Variants in PLEKHG1 observed in about 807,000 individuals in gnomAD.
PLEKHG1 encodes the protein pleckstrin homology domain-containing family G member 1.
PLEKHG1 carries 44 observed loss-of-function variants against 100.8 expected under a neutral mutation model. The observed-to-expected ratio is 0.44, with a 90% CI of 0.34 to 0.56. PLEKHG1 has a LOEUF of 0.56. PLEKHG1 is among the 20% of genes least tolerant of loss of function. The probability of loss-of-function intolerance (pLI) is 0.01; values close to 1 mark genes in which losing one functional copy is unlikely to be tolerated. For synonymous variants in PLEKHG1, 640 were observed against 662.5 expected (o/e 0.97, Z 0.52); for missense variants, 1,545 against 1,720.9 (o/e 0.90, Z 1.81).
chr6:150,611,325 T>G (rs1776818164), intron 1 of PLEKHG1, among the ~76,000 whole-genome samples: 1 of 152,224 alleles, frequency 6.6e-6, no homozygotes, highest in Non-Finnish European at 1.5e-5. Flanking sequence ...AATGTAGCAC[T>G]CTTGTTGGCA....
chr6:150,837,560 CA>C (rs1777295061), intron 15 of PLEKHG1, among the ~76,000 whole-genome samples: 1 of 152,204 alleles, frequency 6.6e-6, no homozygotes, highest in Admixed American at 6.5e-5. Flanking sequence ...CTACATTTTC[CA>C]AAATTGTCAT....
At position 150,809,083 on chromosome 6, in the gene PLEKHG1, C is replaced by A. The variant is rs1464926900; in HGVS notation, c.913-22C>A. 6 of 1,602,346 alleles carry A rather than the reference C, an allele frequency of 3.7e-6. No homozygotes were observed. The African/African-American group carries it at 8.0e-5, about 21-fold the overall frequency. ...CCTGGCTTCTGCCTCCTGTAAATGC[C>A]ATGGCCCATTCCCTTTCTCAGGAGA... On this transcript the variant is annotated intron_variant, in intron 7 of 15. Coordinates refer to ENST00000358517, the Ensembl canonical transcript of PLEKHG1.
In PLEKHG1 at chr6:150,781,777, C is replaced by CT. The variant is rs1216383029; in HGVS notation, c.513-4601dup. ...TAAAAGATCCTTTCTTTTTCTTTTT[C>CT]TTTTTTTTTTTTGAGATGGAGTCTC... On this transcript the variant is annotated intron_variant, in intron 3 of 15. Coordinates refer to ENST00000358517, the Ensembl canonical transcript of PLEKHG1. 2.4e-3 allele frequency among the ~76,000 whole-genome samples: 345 copies of CT among 142,624 alleles called. 2 individuals carry two copies. Among genetic ancestry groups the CT allele is most frequent in the Middle Eastern group, 3.6e-3 (1 of 276 alleles). The allele number at this position is 142,624 out of a possible 152,430, so 93.6% of individuals were successfully genotyped here. A position where few individuals can be genotyped will look rare whatever the true frequency, so the allele number is the denominator to read the frequency against.
chr6:150,650,314 T>C (rs1267544514), intron 2 of PLEKHG1, among the ~76,000 whole-genome samples: 1 of 152,230 alleles, frequency 6.6e-6, no homozygotes, highest in Non-Finnish European at 1.5e-5. Flanking sequence ...CCCTGCTTCA[T>C]GGCCTCGCGT....
chr6:150,765,505 A>AAAAG (rs386408932), intron 2 of PLEKHG1, among the ~76,000 whole-genome samples: 2 of 151,876 alleles, frequency 1.3e-5, no homozygotes, highest in African/African-American at 4.8e-5. Flanking sequence ...AAGAAAAAAA[A>AAAAG]AAATTTAATG....
chr6:150,830,528 ATG>A, intron 14 of PLEKHG1, 52 bp from the exon 16 acceptor site: 2 of 1,294,122 alleles, frequency 1.5e-6, no homozygotes, highest in Non-Finnish European at 2.2e-6. Context: ...TTCCTGAGTT[ATG>A]TGTCTTCTCC....
chr6:150,734,946 A>G (rs1311963437), intron 2 of PLEKHG1, among the ~76,000 whole-genome samples: 3 of 150,898 alleles, frequency 2.0e-5, no homozygotes, highest in East Asian at 1.9e-4. Context: ...CTCACTCTCA[A>G]TTGTAGTTAA....
At chr6:150,660,869 T>C (rs1295921187) in intron 3 of PLEKHG1, among the ~76,000 whole-genome samples, 1 of 152,236 alleles carries the variant, frequency 6.6e-6, no homozygotes, top group Non-Finnish European at 1.5e-5. Context: ...ATTTTGCCAG[T>C]GTTTTGCCTA....
At chr6:150,610,844 T>G (rs1166979390) in intron 1 of PLEKHG1, among the ~76,000 whole-genome samples, 2 of 152,214 alleles carry the variant, frequency 1.3e-5, no homozygotes, top group Non-Finnish European at 2.9e-5. Flanking sequence ...CTTTCACTGG[T>G]TTATTGTAGA....
At chr6:150,720,216 C>G (rs9383542), upstream of PLEKHG1, among the ~76,000 whole-genome samples, 1 of 151,980 alleles carries the variant, frequency 6.6e-6, no homozygotes, top group African/African-American at 2.4e-5. Context: ...TGGAGACCTT[C>G]GTTTAAAGAA....
In PLEKHG1 at chr6:150,809,657, C is replaced by T; in HGVS notation, c.1201C>T (p.Gln401Ter). 6.2e-7 allele frequency: 1 copy of T among 1,613,924 alleles called. No homozygotes were observed. The highest frequency in any genetic ancestry group is 8.5e-7 in the Non-Finnish European group (1 of 1,179,874). Residue 401 changes from glutamine to a stop codon, truncating the protein, a stop_gained, in exon 10 of 16, where the codon CAG (glutamine) becomes TAG (stop). Coordinates refer to ENST00000358517, the Ensembl canonical transcript of PLEKHG1. LOFTEE classifies it high-confidence loss of function. ...CATCTCGTCTTGGCAGGCCAAATCC[C>T]AGCAAGACAAACGCCTCTGGGTTCT...
intron 3 of PLEKHG1, among the ~76,000 whole-genome samples, chr6:150,677,462 T>C (rs1471747145): frequency 6.6e-6 from 1 of 152,188 alleles, no homozygotes; most frequent in Non-Finnish European, 1.5e-5. Flanking sequence ...GACTCCTATT[T>C]ATGCCTGTTT....
intron 2 of PLEKHG1, among the ~76,000 whole-genome samples, chr6:150,640,871 G>C (rs1778225223): frequency 6.6e-6 from 1 of 152,052 alleles, no homozygotes; most frequent in African/African-American, 2.4e-5. Context: ...CTAATATTGG[G>C]GACAGATGTT....
intron 2 of PLEKHG1, among the ~76,000 whole-genome samples, chr6:150,746,050 G>A (rs572464792): frequency 2.0e-5 from 3 of 152,258 alleles, no homozygotes; most frequent in African/African-American, 4.8e-5. Flanking sequence ...CCTTGTCAAC[G>A]GGGAGGGTCA....
chr6:150,777,312 A>G (rs1344840537), intron 3 of PLEKHG1, among the ~76,000 whole-genome samples: 1 of 149,724 alleles, frequency 6.7e-6, no homozygotes, highest in Non-Finnish European at 1.5e-5. Flanking sequence ...CCTGGTGCAC[A>G]TGTGCAGTTG....
At chr6:150,799,298 T>C (rs548113378) in intron 5 of PLEKHG1, among the ~76,000 whole-genome samples, 1 of 152,326 alleles carries the variant, frequency 6.6e-6, no homozygotes, top group African/African-American at 2.4e-5. Flanking sequence ...CAAATTTTCC[T>C]TCCCCCTTTG....
At chr6:150,638,763 C>A (rs1778127020) in intron 2 of PLEKHG1, among the ~76,000 whole-genome samples, 1 of 152,146 alleles carries the variant, frequency 6.6e-6, no homozygotes, top group Non-Finnish European at 1.5e-5. Context: ...TTCCAAAAAT[C>A]AGTTCTAAGT....
At chr6:150,836,843 A>C (rs574101708) in intron 15 of PLEKHG1, among the ~76,000 whole-genome samples, 150 of 151,750 alleles carry the variant, frequency 9.9e-4, no homozygotes, top group Admixed American at 3.1e-3. Context: ...AAAAGAAAAG[A>C]AAAGCTCAGG....
intron 3 of PLEKHG1, among the ~76,000 whole-genome samples, chr6:150,705,288 A>G (rs750338378): frequency 5.9e-5 from 9 of 152,242 alleles, no homozygotes; most frequent in Non-Finnish European, 1.0e-4. Context: ...CCATCGGAAC[A>G]CTCATTTTTA....
Sources: allele counts gnomAD v4.1 joint callset (sites outside exome capture counted in the v4.1 genomes callset), GRCh38; gene constraint gnomAD v4.1.1; transcripts MANE v1.5; gene names NCBI Gene and HGNC (gene_info 2026-07-23, HGNC 2026-07-21).